Variants in CASS4 observed in about 807,000 individuals in gnomAD.
CASS4 encodes cas scaffolding protein family member 4.
A neutral mutation model predicts 54.2 loss-of-function variants in CASS4; 22 were observed. The observed-to-expected ratio is 0.41, with a 90% CI of 0.29 to 0.58. The LOEUF is 0.58. Among genes scored for constraint, CASS4 ranks in the 20% least tolerant of loss-of-function variants. CASS4 has a pLI of 0.36. For missense variants in CASS4, 854 were observed against 986.7 expected, an observed-to-expected ratio of 0.87 and a Z score of 1.80; for synonymous variants, 409 against 391.5, an observed-to-expected ratio of 1.04 and a Z score of -0.53.
chr20:56,458,869 GC>G lies in CASS4; in HGVS notation c.*125del. 1.9e-6 allele frequency: 2 copies of G among 1,046,884 alleles called. No homozygotes were observed. The highest frequency in any genetic ancestry group is 1.4e-6 in the Non-Finnish European group (1 of 738,122). 64.8% of individuals were successfully genotyped at this position (1,046,884 alleles called of 1,614,324 possible). ...ACCAATGAGCTGAAACAGACCTGGT[GC>G]CCAAAGCTGGTAGTACCAAGTGGCT... On this transcript the variant is annotated 3_prime_UTR_variant, in exon 6 of 6. Coordinates refer to ENST00000679887, the MANE Select transcript of CASS4 (RefSeq NM_020356.4).
chr20:56,452,088 C>T lies in CASS4; in HGVS notation c.912C>T (p.Leu304=). 1 of 1,614,226 alleles carries T rather than the reference C, an allele frequency of 6.2e-7. No individual in the cohort carries two copies. The highest frequency in any genetic ancestry group is 8.5e-7 in the Non-Finnish European group (1 of 1,180,052). The part of the protein sequence containing the change: ...LNNNVPMQKK[L]SLPEIPSYGF... ...ACAATGTGCCCATGCAGAAAAAACTCAGCCTTCCAGAAATTCCTTCTTATG... is the reference window on the plus strand; with the variant it reads ...ACAATGTGCCCATGCAGAAAAAACTTAGCCTTCCAGAAATTCCTTCTTATG... Residue 304 remains leucine, a synonymous_variant, in exon 5 of 6, where the codon CTC becomes CTT. Transcript: ENST00000679887.
rs551174709 is a variant in CASS4, at chr20:56,459,406, G to A, written c.*659G>A. ...TGACCTTCAGACAGCATAAATATGT[G>A]TGCCCTCTCATGTGCAATTCCTTAT... On this transcript the variant is annotated 3_prime_UTR_variant, in exon 6 of 6. Coordinates refer to ENST00000679887, the MANE Select transcript of CASS4 (RefSeq NM_020356.4). The A allele has an allele frequency of 1.3e-3, 314 of 248,848 alleles. 3 individuals are homozygous for A. The highest frequency in any genetic ancestry group is 6.7e-3 in the African/African-American group (292 of 43,518). 15.4% of individuals were successfully genotyped at this position (248,848 alleles called of 1,614,324 possible).
At chr20:56,458,188 A>T in intron 5 of CASS4, 152 bp from the exon 6 acceptor site, 1 of 587,696 alleles carries the variant, frequency 1.7e-6, no homozygotes, top group Non-Finnish European at 2.9e-6. Context: ...TTAATTTGTT[A>T]GACAACTGTT....
At chr20:56,457,428 G>A (rs1981352339) in intron 5 of CASS4, among the ~76,000 whole-genome samples, 1 of 152,138 alleles carries the variant, frequency 6.6e-6, no homozygotes, top group Non-Finnish European at 1.5e-5. Context: ...ATCTTTGAGA[G>A]TATGTAGGAT....
chr20:56,433,482 A>G (rs1980013495), intron 1 of CASS4, among the ~76,000 whole-genome samples: 1 of 152,168 alleles, frequency 6.6e-6, no homozygotes, highest in African/African-American at 2.4e-5. Context: ...GCTTTGTCCA[A>G]AGGGTAATAG....
chr20:56,432,024 CA>C lies in CASS4; in HGVS notation c.37-5138del, dbSNP rs538181851. ...GTCAAAGATTTTAATCAATTTTGAT[CA>C]ATTAATAGGGAATCAATGAAATGTT... On this transcript the variant is annotated intron_variant, in intron 1 of 5. Coordinates refer to ENST00000679887, the MANE Select transcript of CASS4 (RefSeq NM_020356.4). Among the ~76,000 whole-genome samples, 35 of 152,184 alleles carry C rather than the reference CA, an allele frequency of 2.3e-4. No homozygotes were observed. The East Asian group carries it at 6.0e-3, about 26-fold the overall frequency.
chr20:56,416,594 G>A (rs765158070), intron 1 of CASS4, among the ~76,000 whole-genome samples: 5 of 151,712 alleles, frequency 3.3e-5, no homozygotes, highest in African/African-American at 4.8e-5. Context: ...ATTGAAATTA[G>A]CATCTTCATA....
rs1468924120 is a variant in CASS4 at position 56,437,692 on chromosome 20, C to T, written c.459+106C>T. 2.8e-6 allele frequency: 3 copies of T among 1,068,050 alleles called. No homozygotes were observed. The highest frequency in any genetic ancestry group is 1.9e-5 in the South Asian group (1 of 51,726). 66.2% of individuals were successfully genotyped at this position (1,068,050 alleles called of 1,614,324 possible). A position where few individuals can be genotyped will look rare whatever the true frequency, so the allele number is the denominator to read the frequency against. Reference sequence around the variant, plus strand: ...TGTCCTTCAGATCAAACACGCAAAACGGGAGCCCAGATTGCTGGCAATCAC... The same window carrying T: ...TGTCCTTCAGATCAAACACGCAAAATGGGAGCCCAGATTGCTGGCAATCAC... On this transcript the variant is annotated intron_variant, in intron 2 of 5. Coordinates refer to ENST00000679887, the MANE Select transcript of CASS4 (RefSeq NM_020356.4). This position sits in a 1 kb window ranked among gnomAD's most constrained non-coding sequence, Gnocchi z 4.7.
rs529507123 is a variant in CASS4 at position 56,458,972 on chromosome 20, G to A, written c.*225G>A. ...AGGTATGAGGTAAAGACCTTGTGAA[G>A]TTTAGCATATATGGAGTATGCAGTA... is the stretch of plus-strand genomic sequence containing the variant. On this transcript the variant is annotated 3_prime_UTR_variant, in exon 6 of 6. Coordinates refer to ENST00000679887, the MANE Select transcript of CASS4 (RefSeq NM_020356.4). 2.8e-5 allele frequency: 15 copies of A among 532,562 alleles called. No homozygotes were observed. In the East Asian group the frequency reaches 3.7e-4, roughly 13 times the overall value. The allele number at this position is 532,562 out of a possible 1,614,324, so 33.0% of individuals were successfully genotyped here.
intron 1 of CASS4, among the ~76,000 whole-genome samples, chr20:56,436,611 G>A (rs917969485): frequency 7.2e-5 from 11 of 151,960 alleles, no homozygotes; most frequent in South Asian, 2.1e-4. Flanking sequence ...CACTATGTGC[G>A]CTATGCTGCA....
rs757199048 is a variant in CASS4, at chr20:56,437,983, G to A, written c.459+397G>A. ...GTTCAGAGGCAAGAAGTTACACATCGCATTTAAAATGTATATTCCAGGCTG... is the reference window on the plus strand; with the variant it reads ...GTTCAGAGGCAAGAAGTTACACATCACATTTAAAATGTATATTCCAGGCTG... On this transcript the variant is annotated intron_variant, in intron 2 of 5. Transcript: ENST00000679887. This position sits in a 1 kb window ranked among gnomAD's most constrained non-coding sequence, Gnocchi z 4.7. Among the ~76,000 whole-genome samples the A allele has an allele frequency of 3.0e-4, 46 of 152,086 alleles. No homozygotes were observed. The highest frequency in any genetic ancestry group is 4.9e-4 in the Non-Finnish European group (33 of 68,016).
intron 1 of CASS4, among the ~76,000 whole-genome samples, chr20:56,432,163 G>T (rs1397353811): frequency 1.3e-5 from 2 of 152,116 alleles, no homozygotes; most frequent in African/African-American, 4.8e-5. Context: ...AGGCATATTA[G>T]AGTGTGATTG....
At position 56,430,745 on chromosome 20, in the gene CASS4, T is replaced by C. The variant is rs1252118159; in HGVS notation, c.37-6419T>C. Reference sequence around the variant, plus strand: ...AAGTGGGGTGGTCAGGGGCAGCCTCTGCAAAGGGGTGACTCGAGCTGAGAC... The same window carrying C: ...AAGTGGGGTGGTCAGGGGCAGCCTCCGCAAAGGGGTGACTCGAGCTGAGAC... On this transcript the variant is annotated intron_variant, in intron 1 of 5. Coordinates refer to ENST00000679887, the MANE Select transcript of CASS4 (RefSeq NM_020356.4). The surrounding 1 kb of genome is among the most constrained non-coding windows in gnomAD (Gnocchi z 4.2). Among the ~76,000 whole-genome samples the C allele has an allele frequency of 1.3e-5, 2 of 152,118 alleles. No individual in the cohort carries two copies. The highest frequency in any genetic ancestry group is 2.9e-5 in the Non-Finnish European group (2 of 68,032).
chr20:56,444,675 G>A (rs1980621082), intron 2 of CASS4, among the ~76,000 whole-genome samples: 2 of 152,156 alleles, frequency 1.3e-5, no homozygotes, highest in Non-Finnish European at 1.5e-5. Flanking sequence ...CACCCAGTGT[G>A]GTACCCACCA....
At chr20:56,427,743 T>C (rs1225986402) in intron 1 of CASS4, among the ~76,000 whole-genome samples, 4 of 152,220 alleles carry the variant, frequency 2.6e-5, no homozygotes, top group Non-Finnish European at 5.9e-5. Flanking sequence ...GTATATGCAG[T>C]TTTTAAAATG....
chr20:56,441,450 C>T (rs573331680), intron 2 of CASS4, among the ~76,000 whole-genome samples: 7 of 151,868 alleles, frequency 4.6e-5, no homozygotes, highest in African/African-American at 1.4e-4. Context: ...ACTAAAAACA[C>T]AAAAATTAGC....
At chr20:56,413,170 T>TAAAAA (rs879258639) in intron 1 of CASS4, among the ~76,000 whole-genome samples, 1 of 124,206 alleles carries the variant, frequency 8.1e-6, no homozygotes. Flanking sequence ...GACCCCATCT[T>TAAAAA]AAAAAAAAAA....
In CASS4 at chr20:56,443,399, G is replaced by A. The variant is rs145010016; in HGVS notation, c.460-2501G>A. On this transcript the variant is annotated intron_variant, in intron 2 of 5. Coordinates refer to ENST00000679887, the MANE Select transcript of CASS4 (RefSeq NM_020356.4). ...CAGGAGAATCGCTTGAACCCGGGAGGTGGAGGTTGCAGTAAGCCGAAATGG... is the reference window on the plus strand; with the variant it reads ...CAGGAGAATCGCTTGAACCCGGGAGATGGAGGTTGCAGTAAGCCGAAATGG... Among the ~76,000 whole-genome samples, 1,798 of 147,554 alleles carry A rather than the reference G, an allele frequency of 0.012. 82 individuals are homozygous for A. The East Asian group carries it at 0.17, about 14-fold the overall frequency.
intron 1 of CASS4, among the ~76,000 whole-genome samples, chr20:56,420,024 CAA>C (rs1435446908): frequency 6.6e-6 from 1 of 152,106 alleles, no homozygotes; most frequent in Admixed American, 6.5e-5. Flanking sequence ...GCCTGGGCAA[CAA>C]GAGCGAAAAC....
Sources: gnomAD v4.1 joint callset for allele counts (sites outside exome capture counted in the v4.1 genomes callset) on GRCh38, gnomAD v4.1.1 for gene constraint, Gnocchi (gnomAD v3.1) non-coding constraint, MANE v1.5 for transcripts, NCBI Gene and HGNC (gene_info 2026-07-23, HGNC 2026-07-21) for gene names.